The following VIT variants were observed in gnomAD, a reference collection of about 807,000 sequenced individuals.
VIT encodes the protein vitrin.
In VIT, 99 loss-of-function variants were observed where a neutral mutation model predicts 78.0. The ratio of observed to expected loss-of-function variants is 1.27; its 90% CI spans 1.08 to 1.50. The LOEUF (loss-of-function observed/expected upper bound fraction) is 1.50, where lower values mean the gene tolerates loss of function less well. VIT is among the 40% of genes most tolerant of loss of function. VIT has a pLI of 0.00. For synonymous variants in VIT, 374 were observed against 334.3 expected (o/e 1.12, Z -1.29); for missense variants, 1,126 against 875.3 (o/e 1.29, Z -3.61).
Position 36,808,863 on chromosome 2 carries a change from A to T in VIT, c.1781A>T (p.Asn594Ile). The T allele has an allele frequency of 6.2e-7, 1 of 1,614,196 alleles. No individual in the cohort carries two copies. Among genetic ancestry groups the T allele is most frequent in the East Asian group, 2.2e-5 (1 of 44,878 alleles). Residue 594 changes from asparagine to isoleucine, a missense_variant, in exon 15 of 16, where the codon AAC becomes ATC. Coordinates refer to ENST00000379242, the MANE Select transcript of VIT (RefSeq NM_053276.4). Reference sequence around the variant, plus strand: ...GGCACCAGCACGGGGGCTGCCATCAACTTCGCCCTGGAGCAGCTCTTCAAG... The same window carrying T: ...GGCACCAGCACGGGGGCTGCCATCATCTTCGCCCTGGAGCAGCTCTTCAAG... ...SGGTSTGAAI[N>I]FALEQLFKKS...
At chr2:36,703,902 G>C (rs1235973748) in intron 1 of VIT, among the ~76,000 whole-genome samples, 4 of 142,792 alleles carry the variant, frequency 2.8e-5, no homozygotes, top group African/African-American at 1.0e-4. Context: ...TTGTTTGTTT[G>C]TTTGGGGTTT....
At chr2:36,763,453 G>GT (rs1012018171) in intron 6 of VIT, among the ~76,000 whole-genome samples, 5 of 151,822 alleles carry the variant, frequency 3.3e-5, no homozygotes, top group African/African-American at 4.8e-5. Context: ...TATTTTACTA[G>GT]TTTTTTTTCA....
intron 4 of VIT, among the ~76,000 whole-genome samples, chr2:36,745,592 T>C (rs778880699): frequency 6.6e-6 from 1 of 152,154 alleles, no homozygotes; most frequent in Non-Finnish European, 1.5e-5. Context: ...TGGGATTGTG[T>C]TCTGATTTGG....
chr2:36,802,093 G>A (rs990559073), intron 13 of VIT, among the ~76,000 whole-genome samples: 3 of 152,212 alleles, frequency 2.0e-5, no homozygotes, highest in Non-Finnish European at 4.4e-5. Flanking sequence ...CATGTTCTCT[G>A]TTTCAAGCTA....
chr2:36,786,585 T>C (rs1665109402), intron 11 of VIT, among the ~76,000 whole-genome samples: 2 of 152,222 alleles, frequency 1.3e-5, no homozygotes, highest in African/African-American at 4.8e-5. Flanking sequence ...ATCCTATACA[T>C]ATATGTAGAT....
intron 3 of VIT, among the ~76,000 whole-genome samples, chr2:36,737,331 C>G (rs1667569718): frequency 6.6e-6 from 1 of 152,090 alleles, no homozygotes; most frequent in Non-Finnish European, 1.5e-5. Flanking sequence ...TTAGGACCCA[C>G]CAGGCAACAC....
chr2:36,794,185 C>T (rs1665700205), intron 12 of VIT, among the ~76,000 whole-genome samples: 1 of 152,186 alleles, frequency 6.6e-6, no homozygotes, highest in South Asian at 2.1e-4. Flanking sequence ...TCTTTTTAGG[C>T]ATGGCCAACT....
chr2:36,715,520 A>G (rs1316155732), intron 1 of VIT, among the ~76,000 whole-genome samples: 1 of 151,824 alleles, frequency 6.6e-6, no homozygotes, highest in African/African-American at 2.4e-5. Flanking sequence ...TGGGTGACAG[A>G]GTGAGACTAC....
intron 3 of VIT, among the ~76,000 whole-genome samples, chr2:36,740,074 T>C (rs1667747027): frequency 6.6e-6 from 1 of 152,376 alleles, no homozygotes. Context: ...CTGATACTTC[T>C]TGAGCTGCCT....
At chr2:36,755,478 G>A (rs1668707443) in intron 5 of VIT, among the ~76,000 whole-genome samples, 1 of 152,114 alleles carries the variant, frequency 6.6e-6, no homozygotes, top group East Asian at 1.9e-4. Flanking sequence ...GCCATATCAA[G>A]AGGCATATAA....
intron 1 of VIT, among the ~76,000 whole-genome samples, chr2:36,706,202 C>T (rs1665408794): frequency 1.3e-5 from 2 of 152,180 alleles, no homozygotes; most frequent in Admixed American, 6.5e-5. Flanking sequence ...TCAGGGTTGG[C>T]GTAGCCTCTC....
Position 36,805,547 on chromosome 2 carries a change from A to G in VIT, c.1272A>G (p.Lys424=). The change falls in exon 14 of 16, where the codon AAA becomes AAG. Residue 424 remains lysine (K), a synonymous_variant. Coordinates refer to ENST00000379242, the MANE Select transcript of VIT (RefSeq NM_053276.4). ...VVMVDGWPTD[K]VEEASRLARE... ...TGGTGGATGGCTGGCCCACGGACAA[A>G]GTGGAGGAGGCTTCAAGACTTGCGA... The G allele has an allele frequency of 1.2e-6, 2 of 1,614,086 alleles. No individual in the cohort carries two copies. Among genetic ancestry groups the G allele is most frequent in the East Asian group, 4.5e-5 (2 of 44,880 alleles).
intron 1 of VIT, among the ~76,000 whole-genome samples, chr2:36,700,219 C>T (rs10735528): frequency 0.82 from 125,426 of 152,086 alleles, 52,627 homozygotes; most frequent in Middle Eastern, 0.95. Flanking sequence ...AGTCAATCAA[C>T]AAATAATAAA....
At chr2:36,699,626 GTAGATAGATAGA>G (rs10530448) in intron 1 of VIT, among the ~76,000 whole-genome samples, 10 of 141,976 alleles carry the variant, frequency 7.0e-5, no homozygotes, top group East Asian at 4.2e-4. Context: ...AGATATATAG[GTAGATAGATAGA>G]TAGATAGATA....
At chr2:36,699,653 G>GATAA (rs1558495850) in intron 1 of VIT, among the ~76,000 whole-genome samples, 2 of 151,694 alleles carry the variant, frequency 1.3e-5, no homozygotes, top group South Asian at 4.2e-4. Flanking sequence ...TAGATAGATA[G>GATAA]ATAGATAGAT....
intron 5 of VIT, among the ~76,000 whole-genome samples, chr2:36,757,589 T>G (rs1572485076): frequency 6.6e-6 from 1 of 152,264 alleles, no homozygotes. Flanking sequence ...CATTGTCATT[T>G]GGAGCAGGCC....
chr2:36,783,370 A>G lies in VIT; in HGVS notation c.878A>G (p.Gln293Arg), dbSNP rs149718553. ...GLVPKEELST[Q>R]SLEPVSLGDP... ...GTTCCAAAAGAAGAATTGAGCACACAGTCTTTGGAGCCAGTATCCCTGGGA... is the reference window on the plus strand; with the variant it reads ...GTTCCAAAAGAAGAATTGAGCACACGGTCTTTGGAGCCAGTATCCCTGGGA... The change falls in exon 11 of 16, where the codon CAG (glutamine) becomes CGG (arginine). Residue 293 changes from glutamine to arginine, a missense_variant. Coordinates refer to ENST00000379242, the MANE Select transcript of VIT (RefSeq NM_053276.4). 969 of 1,614,056 alleles carry G rather than the reference A, an allele frequency of 6.0e-4. No homozygotes were observed. The highest frequency in any genetic ancestry group is 7.6e-4 in the Non-Finnish European group (891 of 1,180,024).
chr2:36,714,905 G>A (rs1469832858), intron 1 of VIT, among the ~76,000 whole-genome samples: 21 of 152,090 alleles, frequency 1.4e-4, no homozygotes, highest in African/African-American at 2.4e-5. Context: ...GCAAACCTTT[G>A]GCAGTGTCGT....
intron 13 of VIT, among the ~76,000 whole-genome samples, chr2:36,804,592 G>A (rs1418790603): frequency 6.6e-6 from 1 of 152,176 alleles, no homozygotes; most frequent in East Asian, 1.9e-4. Flanking sequence ...AGCACTTTGG[G>A]AGGCCGAGGC....
Sources: gnomAD v4.1 joint callset for allele counts (sites outside exome capture counted in the v4.1 genomes callset) on GRCh38, gnomAD v4.1.1 for gene constraint, MANE v1.5 for transcripts, NCBI Gene and HGNC (gene_info 2026-07-23, HGNC 2026-07-21) for gene names.